TTC7A: variants seen among roughly 807,000 people sequenced by gnomAD.
TTC7A encodes tetratricopeptide repeat protein 7A.
Under a neutral mutation model 103.7 loss-of-function variants are expected in TTC7A, and 110 were observed. That is an observed-to-expected ratio of 1.06 (90% CI 0.91 to 1.24). The LOEUF is 1.24. TTC7A is among the 50% of genes most tolerant of loss of function. The probability of loss-of-function intolerance (pLI) is 0.00; values close to 1 mark genes in which losing one functional copy is unlikely to be tolerated. For synonymous variants in TTC7A, 521 were observed against 467.9 expected, an observed-to-expected ratio of 1.11 and a Z score of -1.47; for missense variants, 1,340 against 1,116.3, an observed-to-expected ratio of 1.20 and a Z score of -2.86.
In TTC7A at chr2:47,060,908, C is replaced by T; in HGVS notation, c.2292C>T (p.Ala764=). ...AGGTGAAGGGCAACCTGGAGGAGGC[C>T]AAGCAGCTGTACAAGGAGGCGCTCA... ...LAEVKGNLEE[A]KQLYKEALTV... The change falls in exon 19 of 20, where the codon GCC becomes GCT. Residue 764 remains alanine, a synonymous_variant. Transcript: ENST00000319190. 6.2e-7 allele frequency: 1 copy of T among 1,614,174 alleles called. No homozygotes were observed. The highest frequency in any genetic ancestry group is 8.5e-7 in the Non-Finnish European group (1 of 1,180,016).
intron 1 of TTC7A, among the ~76,000 whole-genome samples, chr2:46,944,310 C>G (rs1205557603): frequency 4.6e-5 from 7 of 151,722 alleles, no homozygotes; most frequent in African/African-American, 1.7e-4. Context: ...TATGCTCAAC[C>G]CTTTTCCTTC....
chr2:47,073,834 G>A lies in TTC7A; in HGVS notation c.2488G>A (p.Glu830Lys), dbSNP rs375318915. The A allele has an allele frequency of 1.4e-5, 22 of 1,613,624 alleles. 1 individual carries two copies. The South Asian group carries it at 1.4e-4, about 10-fold the overall frequency. Reference sequence around the variant, plus strand: ...GGTGCTGCAGGCCCAGGGCCAGAACGAGGCTGCCGTTGACTGCTTCCTCAC... The same window carrying A: ...GGTGCTGCAGGCCCAGGGCCAGAACAAGGCTGCCGTTGACTGCTTCCTCAC... ...GEVLQAQGQN[E>K]AAVDCFLTAL... Residue 830 changes from glutamate (E) to lysine (K), a missense_variant, in exon 20 of 20, where the codon GAG (glutamate) becomes AAG (lysine). By Grantham distance (56) the Glu-to-Lys change is moderately conservative. Transcript: ENST00000319190.
intron 5 of TTC7A, among the ~76,000 whole-genome samples, chr2:46,981,748 C>G (rs770015777): frequency 6.6e-6 from 1 of 152,250 alleles, no homozygotes; most frequent in African/African-American, 2.4e-5. Flanking sequence ...GCACACCGTT[C>G]TGGCCCAGGC....
intron 19 of TTC7A, among the ~76,000 whole-genome samples, chr2:47,064,263 T>C (rs1684014077): frequency 6.6e-6 from 1 of 152,122 alleles, no homozygotes; most frequent in South Asian, 2.1e-4. Context: ...AACTGGCAAG[T>C]GTAGAAAGAA....
chr2:47,011,263 C>T (rs1430997217), intron 10 of TTC7A, 68 bp from the exon 11 acceptor site: 9 of 1,435,382 alleles, frequency 6.3e-6, no homozygotes, highest in South Asian at 2.5e-5. Flanking sequence ...TTGGGAAGCT[C>T]GCCCCACTGT....
chr2:47,061,721 G>A (rs1303592327), intron 19 of TTC7A, among the ~76,000 whole-genome samples: 4 of 152,122 alleles, frequency 2.6e-5, no homozygotes, highest in African/African-American at 9.7e-5. Context: ...TCTGGTCCAG[G>A]CAACATTTAT....
At chr2:46,951,922 T>A (rs1002905922) in intron 2 of TTC7A, among the ~76,000 whole-genome samples, 11 of 152,022 alleles carry the variant, frequency 7.2e-5, no homozygotes, top group African/African-American at 2.2e-4. Flanking sequence ...GTGATAGGAG[T>A]GCTATCCACG....
intron 16 of TTC7A, 101 bp downstream of exon 16, chr2:47,046,532 T>A (rs998653392): frequency 7.0e-6 from 6 of 860,262 alleles, no homozygotes; most frequent in Non-Finnish European, 1.2e-5. Flanking sequence ...GGGAGGAGAG[T>A]GAGGCTTTTG....
intron 5 of TTC7A, among the ~76,000 whole-genome samples, chr2:46,982,189 A>G (rs2104297573): frequency 6.6e-6 from 1 of 152,116 alleles, no homozygotes; most frequent in East Asian, 1.9e-4. Context: ...CCTGGGCAAC[A>G]TAGGGAGACT....
chr2:47,068,680 C>T (rs1573094015), intron 19 of TTC7A: 1 of 151,854 alleles, frequency 6.6e-6, no homozygotes, highest in Non-Finnish European at 1.5e-5. Flanking sequence ...CCCACCTTAT[C>T]CCTGGGCTGG....
intron 3 of TTC7A, among the ~76,000 whole-genome samples, chr2:46,962,713 T>C (rs1322442803): frequency 1.3e-5 from 2 of 152,188 alleles, no homozygotes; most frequent in African/African-American, 4.8e-5. Context: ...TCTAGTTCTG[T>C]CCCATGGGAA....
intron 2 of TTC7A, among the ~76,000 whole-genome samples, chr2:46,932,701 G>A (rs1165103885): frequency 6.6e-6 from 1 of 151,866 alleles, no homozygotes; most frequent in Non-Finnish European, 1.5e-5. Flanking sequence ...AGGAGTTCGA[G>A]ACCAGTTTGG....
chr2:46,975,035 G>T lies in TTC7A; in HGVS notation c.580G>T (p.Glu194Ter). Residue 194 changes from glutamate (E) to a stop codon, truncating the protein, a stop_gained, in exon 4 of 20, where the codon GAG becomes TAG. Transcript: ENST00000319190. LOFTEE classifies it high-confidence loss of function. ...ASRFRLTERE[E>*]EVITCFERAS... ...CCGCTTCCGCCTGACAGAGAGGGAG[G>T]AGGAAGTGATCACCTGTTTTGAGAG... The T allele has an allele frequency of 6.2e-7, 1 of 1,614,114 alleles. No individual in the cohort carries two copies. Among genetic ancestry groups the T allele is most frequent in the Non-Finnish European group, 8.5e-7 (1 of 1,179,986 alleles).
Position 47,039,494 on chromosome 2 carries a change from G to A in TTC7A, c.1803-6821G>A, listed in dbSNP as rs185151534. Among the ~76,000 whole-genome samples, 55 of 152,280 alleles carry A rather than the reference G, an allele frequency of 3.6e-4. 1 individual carries two copies. Among genetic ancestry groups the A allele is most frequent in the Admixed American group, 2.2e-3 (34 of 15,296 alleles). On this transcript the variant is annotated intron_variant, in intron 15 of 19. Transcript: ENST00000319190. ...GGGATGGAGATGACCTCTGACCCCA[G>A]GACTGTGCTTGGCTTAGCCAGAGAC...
chr2:46,984,662 C>T (rs978212164), intron 5 of TTC7A, among the ~76,000 whole-genome samples: 1 of 152,050 alleles, frequency 6.6e-6, no homozygotes, highest in African/African-American at 2.4e-5. Flanking sequence ...GGAGAGAGAC[C>T]AGTGGCAGTC....
intron 2 of TTC7A, among the ~76,000 whole-genome samples, chr2:46,954,836 G>A (rs561193073): frequency 6.6e-6 from 1 of 152,308 alleles, no homozygotes; most frequent in Admixed American, 6.5e-5. Flanking sequence ...CTCCCAAAGT[G>A]CTGGGATTAC....
intron 15 of TTC7A, among the ~76,000 whole-genome samples, chr2:47,031,133 C>T (rs572293266): frequency 2.6e-5 from 4 of 152,182 alleles, no homozygotes; most frequent in African/African-American, 9.6e-5. Flanking sequence ...GGCGACAGAG[C>T]GAGACTCAGT....
At chr2:46,933,626 A>G (rs546050440) in intron 2 of TTC7A, among the ~76,000 whole-genome samples, 8 of 152,342 alleles carry the variant, frequency 5.3e-5, no homozygotes, top group African/African-American at 1.7e-4. Flanking sequence ...CTCTGAGCCA[A>G]TGATCATGGT....
At chr2:47,020,211 C>G (rs1333069501) in intron 11 of TTC7A, among the ~76,000 whole-genome samples, 1 of 152,216 alleles carries the variant, frequency 6.6e-6, no homozygotes, top group Non-Finnish European at 1.5e-5. Flanking sequence ...CCTTGGGACA[C>G]AGAAACTGAG....
Sources: allele counts gnomAD v4.1 joint callset (sites outside exome capture counted in the v4.1 genomes callset), GRCh38; gene constraint gnomAD v4.1.1; transcripts MANE v1.5; gene names NCBI Gene and HGNC (gene_info 2026-07-23, HGNC 2026-07-21).